Variants in SORCS1 observed in about 807,000 individuals in gnomAD.
The protein encoded by SORCS1 is VPS10 domain-containing receptor SorCS1.
Under a neutral mutation model 146.1 loss-of-function variants are expected in SORCS1, and 60 were observed. That is an observed-to-expected ratio of 0.41 (90% confidence interval 0.33 to 0.51). The LOEUF is 0.51. SORCS1 is among the 20% of genes least tolerant of loss of function. The pLI, the probability that SORCS1 is intolerant of heterozygous loss-of-function variation, is 0.21. For missense variants in SORCS1, 1,352 were observed against 1,487.6 expected, an observed-to-expected ratio of 0.91 and a Z score of 1.50; for synonymous variants, 637 against 584.0, an observed-to-expected ratio of 1.09 and a Z score of -1.31.
chr10:106,859,355 C>A (rs993601621), intron 2 of SORCS1, among the ~76,000 whole-genome samples: 1 of 152,120 alleles, frequency 6.6e-6, no homozygotes, highest in African/African-American at 2.4e-5. Flanking sequence ...TTCTTTCAGC[C>A]GATCACAATT....
At chr10:106,994,237 A>T (rs1329129807) in intron 1 of SORCS1, among the ~76,000 whole-genome samples, 1 of 152,178 alleles carries the variant, frequency 6.6e-6, no homozygotes, top group African/African-American at 2.4e-5. Flanking sequence ...TCTTACCTAC[A>T]AAATTGATTT....
At chr10:106,798,328 G>A (rs1455970949) in intron 3 of SORCS1, among the ~76,000 whole-genome samples, 9 of 152,142 alleles carry the variant, frequency 5.9e-5, no homozygotes, top group Admixed American at 5.9e-4. Flanking sequence ...TATGGTACAT[G>A]TGCACAACGT....
chr10:107,079,759 G>A (rs1438936992), intron 1 of SORCS1, among the ~76,000 whole-genome samples: 1 of 152,134 alleles, frequency 6.6e-6, no homozygotes, highest in East Asian at 1.9e-4. Context: ...ACAGCTCTGT[G>A]GAAGTCAGTA....
chr10:106,816,978 T>A (rs1947775991), intron 3 of SORCS1, among the ~76,000 whole-genome samples: 1 of 152,136 alleles, frequency 6.6e-6, no homozygotes, highest in African/African-American at 2.4e-5. Flanking sequence ...TACTTCCAAA[T>A]GGAAGCACAA....
chr10:106,801,678 C>T (rs1002711145), intron 3 of SORCS1, among the ~76,000 whole-genome samples: 14 of 151,862 alleles, frequency 9.2e-5, no homozygotes, highest in East Asian at 3.9e-4. Context: ...TACAGGCGCC[C>T]GCCACCACGC....
intron 1 of SORCS1, among the ~76,000 whole-genome samples, chr10:107,052,285 G>A (rs1960194329): frequency 6.6e-6 from 1 of 152,124 alleles, no homozygotes; most frequent in African/African-American, 2.4e-5. Flanking sequence ...TGACACTCCA[G>A]TCCAAATCAA....
chr10:106,800,393 T>G (rs1946804900), intron 3 of SORCS1, among the ~76,000 whole-genome samples: 1 of 152,098 alleles, frequency 6.6e-6, no homozygotes, highest in Non-Finnish European at 1.5e-5. Flanking sequence ...AACAGAACAT[T>G]TCTAGGATTG....
intron 2 of SORCS1, among the ~76,000 whole-genome samples, chr10:106,889,888 TAA>T (rs772421907): frequency 1.3e-4 from 9 of 71,652 alleles, no homozygotes; most frequent in Admixed American, 5.2e-4. Flanking sequence ...ACGTCTCAAA[TAA>T]AAAAAAAAAA....
chr10:106,673,425 T>G (rs1248440412), intron 14 of SORCS1, among the ~76,000 whole-genome samples: 3 of 152,126 alleles, frequency 2.0e-5, no homozygotes, highest in African/African-American at 7.2e-5. Context: ...CCACCGCACT[T>G]GGCCGAGGAG....
chr10:106,902,500 A>T (rs1219950621), intron 2 of SORCS1, among the ~76,000 whole-genome samples: 4 of 152,222 alleles, frequency 2.6e-5, no homozygotes, highest in Non-Finnish European at 5.9e-5. Flanking sequence ...AAAAAATGGC[A>T]TGAGAAAATA....
At chr10:106,577,907 G>A in intron 25 of SORCS1, 1 of 190,106 alleles carries the variant, frequency 5.3e-6, no homozygotes, top group East Asian at 1.4e-4. Context: ...GACTGCAGTT[G>A]TTATCATTAT....
At chr10:106,896,918 T>C (rs1276796395) in intron 2 of SORCS1, among the ~76,000 whole-genome samples, 21 of 136,640 alleles carry the variant, frequency 1.5e-4, no homozygotes, top group African/African-American at 5.8e-4. Flanking sequence ...TGAGATGGAG[T>C]CTTGCTCTGT....
At chr10:106,918,642 G>A (rs1336475497) in intron 2 of SORCS1, among the ~76,000 whole-genome samples, 2 of 151,880 alleles carry the variant, frequency 1.3e-5, no homozygotes, top group Non-Finnish European at 2.9e-5. Flanking sequence ...GTGGGGCAGG[G>A]AATATTCAGT....
chr10:107,044,870 G>C (rs553553302), intron 1 of SORCS1, among the ~76,000 whole-genome samples: 2 of 151,244 alleles, frequency 1.3e-5, no homozygotes, highest in Non-Finnish European at 2.9e-5. Context: ...ATGTATTATA[G>C]GTGCTGCATC....
At chr10:107,119,743 T>C (rs1419793835) in intron 1 of SORCS1, among the ~76,000 whole-genome samples, 2 of 152,184 alleles carry the variant, frequency 1.3e-5, no homozygotes, top group South Asian at 2.1e-4. Context: ...TGTCTTCTAA[T>C]AACCTATAGA....
intron 10 of SORCS1, among the ~76,000 whole-genome samples, chr10:106,687,919 C>T (rs1295057293): frequency 1.3e-5 from 2 of 152,132 alleles, no homozygotes; most frequent in East Asian, 1.9e-4. Context: ...GTCATATTCT[C>T]CCTCAAACTA....
In SORCS1 at chr10:106,612,419, C is replaced by A. The variant is rs117493133; in HGVS notation, c.2921-396G>T. On this transcript the variant is annotated intron_variant, in intron 21 of 25. Coordinates refer to ENST00000263054, the MANE Select transcript of SORCS1 (RefSeq NM_052918.5). ...CCCGCCCCCACCCCCGCAGCGTGAC[C>A]GATACCATCCAGTTATATGAGGAGG... Among the ~76,000 whole-genome samples, 46 of 142,090 alleles carry A rather than the reference C, an allele frequency of 3.2e-4. No individual in the cohort carries two copies. The East Asian group carries it at 0.01, about 32-fold the overall frequency. The allele number at this position is 142,090 out of a possible 152,430, so 93.2% of individuals were successfully genotyped here.
intron 5 of SORCS1, among the ~76,000 whole-genome samples, chr10:106,738,053 T>C (rs1323893247): frequency 2.0e-5 from 3 of 152,146 alleles, no homozygotes; most frequent in Non-Finnish European, 4.4e-5. Context: ...AATGAAAATA[T>C]CCGATTTTTT....
intron 1 of SORCS1, among the ~76,000 whole-genome samples, chr10:107,064,547 G>A (rs969260305): frequency 1.3e-5 from 2 of 152,136 alleles, no homozygotes; most frequent in East Asian, 3.9e-4. Flanking sequence ...TCCAGTTTAT[G>A]TAGGCAATCT....
Sources: gnomAD v4.1 joint callset for allele counts (sites outside exome capture counted in the v4.1 genomes callset) on GRCh38, gnomAD v4.1.1 for gene constraint, MANE v1.5 for transcripts, NCBI Gene and HGNC (gene_info 2026-07-23, HGNC 2026-07-21) for gene names.